NPHP4: variants seen among roughly 807,000 people sequenced by gnomAD.
The protein encoded by NPHP4 is nephrocystin 4.
Under a neutral mutation model 155.8 loss-of-function variants are expected in NPHP4, and 151 were observed. That is an observed-to-expected ratio of 0.97 (90% CI 0.85 to 1.11). The LOEUF (loss-of-function observed/expected upper bound fraction) is 1.11, where lower values mean the gene tolerates loss of function less well. NPHP4 is among the 50% of genes least tolerant of loss of function. NPHP4 has a pLI of 0.00. For missense variants in NPHP4, 1,956 were observed against 1,925.7 expected (o/e 1.02, Z -0.29); for synonymous variants, 845 against 816.8 (o/e 1.03, Z -0.59).
intron 3 of NPHP4, among the ~76,000 whole-genome samples, chr1:5,972,304 G>A (rs1030198572): frequency 2.0e-5 from 3 of 152,190 alleles, no homozygotes; most frequent in Non-Finnish European, 2.9e-5. Context: ...CTCACACTGC[G>A]GGTTCGGAGG....
intron 2 of NPHP4, among the ~76,000 whole-genome samples, chr1:5,980,596 A>AGACAGGGAGGGGCAGGGAGGGT: frequency 6.6e-6 from 1 of 150,482 alleles, no homozygotes. Context: ...GGAGGAGGCG[A>AGACAGGGAGGGGCAGGGAGGGT]GACAGGGAGG....
At chr1:5,984,019 A>G (rs563444403) in intron 2 of NPHP4, among the ~76,000 whole-genome samples, 4 of 152,314 alleles carry the variant, frequency 2.6e-5, no homozygotes, top group African/African-American at 7.2e-5. Context: ...GAATTATTCT[A>G]CAGACATATC....
intron 9 of NPHP4, 27 bp from the exon 10 acceptor site, chr1:5,933,356 G>C (rs1646377917): frequency 6.3e-7 from 1 of 1,595,864 alleles, no homozygotes; most frequent in Non-Finnish European, 8.6e-7. Flanking sequence ...GCACATCGGT[G>C]TATGAGTTAT....
chr1:5,965,430 C>T (rs114848565), intron 5 of NPHP4, among the ~76,000 whole-genome samples: 6,561 of 152,170 alleles, frequency 0.043, 451 homozygotes, highest in African/African-American at 0.15. Flanking sequence ...TGGCTGTCTA[C>T]TTTGTTCTCA....
At chr1:5,895,851 C>T (rs1212518855) in intron 16 of NPHP4, among the ~76,000 whole-genome samples, 3 of 152,292 alleles carry the variant, frequency 2.0e-5, no homozygotes, top group Admixed American at 6.5e-5. Flanking sequence ...ATGCGGCTAC[C>T]GTAGAAACGG....
intron 3 of NPHP4, among the ~76,000 whole-genome samples, chr1:5,975,400 C>G (rs1412757033): frequency 6.6e-6 from 1 of 152,218 alleles, no homozygotes; most frequent in East Asian, 1.9e-4. Context: ...CAGCAGGCTC[C>G]ATGAATAGCA....
chr1:5,910,880 T>C lies in NPHP4; in HGVS notation c.1442-1667A>G, dbSNP rs1041881271. On this transcript the variant is annotated intron_variant, in intron 11 of 29. Transcript: ENST00000378156. The surrounding 1 kb of genome is among the most constrained non-coding windows in gnomAD (Gnocchi z 5.4). ...AGGGCCTGTGGATGGGTGGAAGGCA[T>C]TGGGGCAAGGCCAGAGGGAGCCCCC... 1.3e-5 allele frequency among the ~76,000 whole-genome samples: 2 copies of C among 152,256 alleles called. No individual in the cohort carries two copies. The highest frequency in any genetic ancestry group is 3.4e-3 in the Middle Eastern group (1 of 294).
intron 22 of NPHP4, chr1:5,873,683 G>A (rs1254015855): frequency 7.8e-6 from 3 of 383,994 alleles, no homozygotes; most frequent in African/African-American, 4.2e-5. Flanking sequence ...CACCACCCTA[G>A]AGAGCTGACC....
chr1:5,925,913 C>T (rs1645979967), intron 11 of NPHP4, among the ~76,000 whole-genome samples: 1 of 152,204 alleles, frequency 6.6e-6, no homozygotes, highest in Non-Finnish European at 1.5e-5. Context: ...CCGTGCCTGG[C>T]CAGGAATGGG....
intron 9 of NPHP4, among the ~76,000 whole-genome samples, chr1:5,945,244 T>TCAGG (rs1647031252): frequency 6.7e-6 from 1 of 149,594 alleles, no homozygotes; most frequent in African/African-American, 2.5e-5. Context: ...ACATCAGCCA[T>TCAGG]CAGGCGCTGC....
intron 12 of NPHP4, among the ~76,000 whole-genome samples, chr1:5,908,146 C>T (rs1249051387): frequency 6.6e-6 from 1 of 152,228 alleles, no homozygotes; most frequent in East Asian, 1.9e-4. Context: ...CCAGGGGACC[C>T]TGGCAGCATC....
Position 5,863,932 on chromosome 1 carries a change from G to T in NPHP4, c.4098C>A (p.Ser1366Arg). The T allele has an allele frequency of 6.2e-7, 1 of 1,613,852 alleles. No homozygotes were observed. Among genetic ancestry groups the T allele is most frequent in the Non-Finnish European group, 8.5e-7 (1 of 1,179,806 alleles). ...TGAACCGCAGCAGCTCCGGGTGGTC[G>T]CTGTGCAGGTGGAATGTCCTCCGGG... is the stretch of plus-strand genomic sequence containing the variant. Reference protein sequence around the residue: ...YPSRRTFHLHSDHPELLRFRE... With the variant: ...YPSRRTFHLHRDHPELLRFRE... The change falls in exon 29 of 30, where the codon AGC (serine) becomes AGA (arginine). Residue 1366 changes from serine (S) to arginine (R), a missense_variant. Physicochemically the swap from Ser to Arg is moderately radical, Grantham distance 110. Coordinates refer to ENST00000378156, the MANE Select transcript of NPHP4 (RefSeq NM_015102.5).
intron 10 of NPHP4, 91 bp from the exon 11 acceptor site, chr1:5,927,878 A>T: frequency 7.3e-7 from 1 of 1,365,766 alleles, no homozygotes; most frequent in Non-Finnish European, 1.0e-6. Flanking sequence ...CTCTGCCCTA[A>T]AACAAAGTCT....
At position 5,867,365 on chromosome 1, in the gene NPHP4, C is replaced by T; in HGVS notation, c.3473-250G>A. 2 of 545,368 alleles carry T rather than the reference C, an allele frequency of 3.7e-6. No homozygotes were observed. Among genetic ancestry groups the T allele is most frequent in the East Asian group, 3.0e-5 (1 of 33,208 alleles). 33.8% of individuals were successfully genotyped at this position (545,368 alleles called of 1,614,324 possible). On this transcript the variant is annotated intron_variant, in intron 24 of 29. Transcript: ENST00000378156. The surrounding 1 kb of genome is among the most constrained non-coding windows in gnomAD (Gnocchi z 4.1). ...TCTCCACAGGGAATAATCGAGGGGG[C>T]CACAAAAAAGAAAACACAGCTCCCT...
Position 5,873,691 on chromosome 1 carries a change from A to AC in NPHP4, c.3232-357dup, listed in dbSNP as rs1428352893. On this transcript the variant is annotated intron_variant, in intron 22 of 29. Coordinates refer to ENST00000378156, the MANE Select transcript of NPHP4 (RefSeq NM_015102.5). ...CGATGACCACCACCCTAGAGAGCTG[A>AC]CCCCAAAAGGTCAAAAGCTGAAACA... The AC allele has an allele frequency of 9.6e-5, 35 of 365,796 alleles. No individual in the cohort carries two copies. The Middle Eastern group carries it at 2.4e-3, about 25-fold the overall frequency. The allele number at this position is 365,796 out of a possible 1,614,324, so 22.7% of individuals were successfully genotyped here. A position where few individuals can be genotyped will look rare whatever the true frequency, so the allele number is the denominator to read the frequency against.
rs60755374 is a variant in NPHP4 at position 5,959,158 on chromosome 1, G to A, written c.673+2636C>T. The stretch of plus-strand genomic sequence containing the variant: ...CCTCCCTCCCTCCGGACACCATGGC[G>A]TGTGCTCACCCTGCCCTCAGATCCC... On this transcript the variant is annotated intron_variant, in intron 6 of 29. Coordinates refer to ENST00000378156, the MANE Select transcript of NPHP4 (RefSeq NM_015102.5). Among the ~76,000 whole-genome samples, 363 of 152,122 alleles carry A rather than the reference G, an allele frequency of 2.4e-3. 4 individuals carry two copies. The highest frequency in any genetic ancestry group is 8.4e-3 in the African/African-American group (349 of 41,498).
At chr1:5,982,249 A>G (rs1226932022) in intron 2 of NPHP4, among the ~76,000 whole-genome samples, 1 of 152,200 alleles carries the variant, frequency 6.6e-6, no homozygotes, top group African/African-American at 2.4e-5. Flanking sequence ...GATCAGCAAC[A>G]GACTGTATAT....
Position 5,867,948 on chromosome 1 carries a change from C to G in NPHP4, c.3316-52G>C, listed in dbSNP as rs1641428438. ...GGATGGGCACGAGGCTTGTGAGCAGCTTCTTGTCCCTCCTTAGACAGCACA... is the reference window on the plus strand; with the variant it reads ...GGATGGGCACGAGGCTTGTGAGCAGGTTCTTGTCCCTCCTTAGACAGCACA... On this transcript the variant is annotated intron_variant, in intron 23 of 29. Transcript: ENST00000378156. This position sits in a 1 kb window ranked among gnomAD's most constrained non-coding sequence, Gnocchi z 4.1. 1 of 1,591,320 alleles carries G rather than the reference C, an allele frequency of 6.3e-7. No homozygotes were observed. The highest frequency in any genetic ancestry group is 2.2e-5 in the East Asian group (1 of 44,756).
chr1:5,944,357 C>T lies in NPHP4; in HGVS notation c.1119+2747G>A, dbSNP rs147800271. Among the ~76,000 whole-genome samples, 9 of 152,322 alleles carry T rather than the reference C, an allele frequency of 5.9e-5. No homozygotes were observed. The highest frequency in any genetic ancestry group is 1.2e-4 in the African/African-American group (5 of 41,586). On this transcript the variant is annotated intron_variant, in intron 9 of 29. Coordinates refer to ENST00000378156, the MANE Select transcript of NPHP4 (RefSeq NM_015102.5). The surrounding 1 kb of genome is among the most constrained non-coding windows in gnomAD (Gnocchi z 4.3). ...CTGCTCTGGGAGACACTGCTGCAGACGGGGTGGCTGAGGTGGGAGGGCCCT... is the reference window on the plus strand; with the variant it reads ...CTGCTCTGGGAGACACTGCTGCAGATGGGGTGGCTGAGGTGGGAGGGCCCT...
Sources: gnomAD v4.1 joint callset for allele counts (sites outside exome capture counted in the v4.1 genomes callset) on GRCh38, gnomAD v4.1.1 for gene constraint, Gnocchi (gnomAD v3.1) non-coding constraint, MANE v1.5 for transcripts, NCBI Gene and HGNC (gene_info 2026-07-23, HGNC 2026-07-21) for gene names.